RTF2: variants seen among roughly 807,000 people sequenced by gnomAD.
The protein encoded by RTF2 is replication termination factor 2.
Under a neutral mutation model 38.0 loss-of-function variants are expected in RTF2, and 18 were observed. That is an observed-to-expected ratio of 0.47 (90% CI 0.33 to 0.70). RTF2 has a LOEUF of 0.70. Ranked by LOEUF, RTF2 falls within the 30% of genes least tolerant of loss-of-function variation. The pLI is 0.02. For missense variants in RTF2, 311 were observed against 379.6 expected (o/e 0.82, Z 1.50); for synonymous variants, 126 against 137.1 (o/e 0.92, Z 0.57).
chr20:56,516,347 CA>C (rs1985043748), intron 6 of RTF2: 1 of 152,294 alleles, frequency 6.6e-6, no homozygotes, highest in South Asian at 2.1e-4. Flanking sequence ...TATTGCTGAT[CA>C]AAATAACTAT....
chr20:56,517,977 A>G, intron 8 of RTF2, 110 bp from the exon 9 acceptor site: 1 of 1,097,406 alleles, frequency 9.1e-7, no homozygotes, highest in Non-Finnish European at 1.3e-6. Context: ...TCACACAGCC[A>G]GCAAGAGAAC....
chr20:56,482,430 C>T (rs1450636731), intron 4 of RTF2, among the ~76,000 whole-genome samples: 4 of 152,198 alleles, frequency 2.6e-5, no homozygotes, highest in Non-Finnish European at 5.9e-5. Context: ...TAAATGCATT[C>T]ATTTTTCCTC....
At position 56,490,228 on chromosome 20, in the gene RTF2, G is replaced by A. The variant is rs553142203; in HGVS notation, c.477+6039G>A. Among the ~76,000 whole-genome samples the A allele has an allele frequency of 2.2e-4, 33 of 152,300 alleles. No individual in the cohort carries two copies. The South Asian group carries it at 2.3e-3, about 11-fold the overall frequency. On this transcript the variant is annotated intron_variant, in intron 5 of 8. Coordinates refer to ENST00000357348, the MANE Select transcript of RTF2 (RefSeq NM_016407.5). Reference sequence around the variant, plus strand: ...ATTTACTGAGGTGCTTACACTTTGCGTTGGAATTATGTTTCTTTAATTTCC... The same window carrying A: ...ATTTACTGAGGTGCTTACACTTTGCATTGGAATTATGTTTCTTTAATTTCC...
intron 3 of RTF2, among the ~76,000 whole-genome samples, chr20:56,476,083 G>A (rs576690079): frequency 3.9e-5 from 6 of 152,252 alleles, no homozygotes; most frequent in East Asian, 3.9e-4. Context: ...GAAATGCCTC[G>A]AATGCAAAAG....
intron 6 of RTF2, among the ~76,000 whole-genome samples, chr20:56,514,761 A>G (rs1408906780): frequency 6.6e-6 from 1 of 152,210 alleles, no homozygotes; most frequent in Non-Finnish European, 1.5e-5. Context: ...TAGGTAGAAA[A>G]TAATGTCTGA....
chr20:56,497,412 AT>A (rs1983621159), intron 5 of RTF2: 1 of 1,549,020 alleles, frequency 6.5e-7, no homozygotes, highest in African/African-American at 1.4e-5. Context: ...AAATTTTGCA[AT>A]TTAGGGGGCC....
At chr20:56,515,002 G>C (rs191356217) in intron 6 of RTF2, among the ~76,000 whole-genome samples, 1 of 149,378 alleles carries the variant, frequency 6.7e-6, no homozygotes, top group East Asian at 2.0e-4. Flanking sequence ...AGCCGAGATC[G>C]CACCTCTGCA....
chr20:56,516,618 C>T (rs1600839808), intron 6 of RTF2: 1 of 431,802 alleles, frequency 2.3e-6, no homozygotes. Context: ...TCACCATCAA[C>T]ATTGGCCCTT....
chr20:56,506,901 C>T (rs941592604), intron 5 of RTF2, among the ~76,000 whole-genome samples: 9 of 152,096 alleles, frequency 5.9e-5, no homozygotes, highest in African/African-American at 2.2e-4. Context: ...GGGGTTTCAC[C>T]ATGTTAGCCA....
intron 1 of RTF2, among the ~76,000 whole-genome samples, chr20:56,472,895 T>A (rs945728534): frequency 6.6e-6 from 1 of 152,186 alleles, no homozygotes; most frequent in Admixed American, 6.6e-5. Flanking sequence ...ATACCAGCAG[T>A]TTGGGTGGCT....
intron 5 of RTF2, among the ~76,000 whole-genome samples, chr20:56,498,137 A>T (rs1429597110): frequency 1.3e-5 from 2 of 152,198 alleles, no homozygotes; most frequent in Non-Finnish European, 2.9e-5. Flanking sequence ...TCAAATACTT[A>T]CTTTGGACAT....
chr20:56,468,777 T>G lies in RTF2; in HGVS notation c.69+11T>G. On this transcript the variant is annotated intron_variant, in intron 1 of 8. Transcript: ENST00000357348. ...AAGAAGGTTGAGAAGGTCAGTGATGTGGGCCGGCTCTTGGCGACCGGGGGT... is the reference window on the plus strand; with the variant it reads ...AAGAAGGTTGAGAAGGTCAGTGATGGGGGCCGGCTCTTGGCGACCGGGGGT... The G allele has an allele frequency of 6.4e-7, 1 of 1,569,636 alleles. No individual in the cohort carries two copies. Among genetic ancestry groups the G allele is most frequent in the Non-Finnish European group, 8.6e-7 (1 of 1,157,144 alleles).
intron 6 of RTF2, among the ~76,000 whole-genome samples, chr20:56,515,177 AAG>A (rs1217688954): frequency 2.6e-5 from 4 of 152,198 alleles, no homozygotes; most frequent in Non-Finnish European, 5.9e-5. Context: ...GAGAGAAAAA[AAG>A]AGGGAAACTA....
At chr20:56,518,019 T>G in intron 8 of RTF2, 68 bp from the exon 9 acceptor site, 1 of 1,480,548 alleles carries the variant, frequency 6.8e-7, no homozygotes, top group East Asian at 2.3e-5. Flanking sequence ...GGGCTTCCCT[T>G]CTGAGGATGC....
intron 3 of RTF2, among the ~76,000 whole-genome samples, chr20:56,474,998 G>A (rs1364205012): frequency 6.6e-6 from 1 of 152,088 alleles, no homozygotes; most frequent in Non-Finnish European, 1.5e-5. Context: ...TGTGTGTTGT[G>A]CTTTGAAAAT....
chr20:56,513,659 G>C, intron 6 of RTF2: 2 of 433,174 alleles, frequency 4.6e-6, no homozygotes, highest in Admixed American at 6.8e-5. Context: ...TCAGTGAAGT[G>C]GGGTAGTGAC....
chr20:56,493,648 C>A (rs1263371286), intron 5 of RTF2, among the ~76,000 whole-genome samples: 3 of 136,360 alleles, frequency 2.2e-5, no homozygotes, highest in East Asian at 2.7e-4. Flanking sequence ...CAGAGCGAGA[C>A]CCTGTCTCAA....
intron 5 of RTF2, among the ~76,000 whole-genome samples, chr20:56,487,107 T>C (rs955536118): frequency 2.0e-5 from 3 of 152,314 alleles, no homozygotes; most frequent in African/African-American, 7.2e-5. Context: ...ACGCCCATAA[T>C]AGTACCCATC....
In RTF2 at chr20:56,514,996, G is replaced by A. The variant is rs6024921; in HGVS notation, c.591+1568G>A. 6.8e-3 allele frequency among the ~76,000 whole-genome samples: 1,010 copies of A among 149,292 alleles called. 14 individuals are homozygous for A. Among genetic ancestry groups the A allele is most frequent in the African/African-American group, 0.022 (883 of 40,480 alleles). The stretch of plus-strand genomic sequence containing the variant: ...CGGAAGGCGGAGGTTGCAGTGAGCC[G>A]AGATCGCACCTCTGCACTCCAGCCT... On this transcript the variant is annotated intron_variant, in intron 6 of 8. Transcript: ENST00000357348.
Sources: gnomAD v4.1 joint callset for allele counts (sites outside exome capture counted in the v4.1 genomes callset) on GRCh38, gnomAD v4.1.1 for gene constraint, MANE v1.5 for transcripts, NCBI Gene and HGNC (gene_info 2026-07-23, HGNC 2026-07-21) for gene names.